Variants in MYO19 observed in about 807,000 individuals in gnomAD.
MYO19 encodes the protein myosin XIX.
In MYO19, 132 loss-of-function variants were observed where a neutral mutation model predicts 129.2. The ratio of observed to expected loss-of-function variants is 1.02; its 90% confidence interval spans 0.89 to 1.18. The LOEUF is 1.18. MYO19 is among the 50% of genes most tolerant of loss of function. MYO19 has a pLI of 0.00. For synonymous variants in MYO19, 531 were observed against 477.2 expected, an observed-to-expected ratio of 1.11 and a Z score of -1.47; for missense variants, 1,210 against 1,216.7, an observed-to-expected ratio of 0.99 and a Z score of 0.08.
At chr17:36,503,007 A>G (rs2071635228) in intron 21 of MYO19, 90 bp downstream of exon 21, 1 of 1,078,754 alleles carries the variant, frequency 9.3e-7, no homozygotes. Context: ...TTCACCAGTA[A>G]GCCCCAGCCC....
At chr17:36,503,310 G>A (rs146231097) in intron 20 of MYO19, 110 bp from the exon 21 acceptor site, 51 of 853,546 alleles carry the variant, frequency 6.0e-5, no homozygotes, top group South Asian at 2.1e-4. Context: ...AACACAGCAC[G>A]GTGCTGCCCT....
intron 16 of MYO19, 83 bp from the exon 17 acceptor site, chr17:36,507,222 T>C: frequency 2.0e-6 from 3 of 1,537,364 alleles, no homozygotes; most frequent in South Asian, 1.2e-5. Context: ...GTGGACCCCA[T>C]GACAGCAGAC....
chr17:36,523,193 A>C (rs1334392253), intron 6 of MYO19, among the ~76,000 whole-genome samples: 2 of 151,670 alleles, frequency 1.3e-5, no homozygotes, highest in Admixed American at 6.6e-5. Flanking sequence ...AAAAAAAAAA[A>C]AAAAAAAACA....
At chr17:36,497,446 A>C (rs372181455) in intron 25 of MYO19, among the ~76,000 whole-genome samples, 3 of 152,158 alleles carry the variant, frequency 2.0e-5, no homozygotes, top group Admixed American at 2.0e-4. Context: ...GTGCCATTTG[A>C]GGTAACAAAC....
chr17:36,507,001 C>G lies in MYO19; in HGVS notation c.1606G>C (p.Val536Leu), dbSNP rs144719799. The change falls in exon 17 of 26, where the codon GTG becomes CTG. Residue 536 changes from valine (V) to leucine (L), a missense_variant. By Grantham distance (32) the Val-to-Leu change is conservative. Transcript: ENST00000614623. ...ACCAGGCCTGCTGTGTGGTACCGCA[C>G]AGGCCCCGCATAATGCACCACAATG... ...SFIVVHYAGP[V>L]RYHTAGLVEK... 8.1e-5 allele frequency: 131 copies of G among 1,611,556 alleles called. 1 individual carries two copies. In the East Asian group the frequency reaches 2.8e-3, roughly 34 times the overall value.
chr17:36,498,441 A>C lies in MYO19; in HGVS notation c.2582T>G (p.Ile861Ser). The C allele has an allele frequency of 6.2e-7, 1 of 1,613,988 alleles. No individual in the cohort carries two copies. The highest frequency in any genetic ancestry group is 1.1e-5 in the South Asian group (1 of 91,088). ...GACCAGTCCCAGGGGCCAGAGGCGG[A>C]TTATTGCCTCCAGGAGCCTGGTCTG... ...PLQTRLLEAI[I>S]RLWPLGLVLA... is the part of the protein sequence containing the mutation. Residue 861 changes from isoleucine to serine, a missense_variant, in exon 25 of 26, where the codon ATC (isoleucine) becomes AGC (serine). Physicochemically the swap from Ile to Ser is moderately radical, Grantham distance 142. Transcript: ENST00000614623.
intron 21 of MYO19, chr17:36,501,979 G>C (rs981964344): frequency 2.0e-5 from 3 of 152,576 alleles, no homozygotes; most frequent in Non-Finnish European, 4.4e-5. Flanking sequence ...CAAGAGACAC[G>C]GAACAGGACA....
rs1319482452 is a variant in MYO19, at chr17:36,515,995, G to A, written c.415-5C>T. 12 of 1,607,246 alleles carry A rather than the reference G, an allele frequency of 7.5e-6. No individual in the cohort carries two copies. The highest frequency in any genetic ancestry group is 1.0e-5 in the Non-Finnish European group (12 of 1,176,716). The stretch of plus-strand genomic sequence containing the variant: ...TAGGCAGCGAGACGTCCATGTCTGT[G>A]GCAGAAACAGCCCTGTGGGAGCTGT... On this transcript the variant is annotated splice_region_variant and splice_polypyrimidine_tract_variant and intron_variant, in intron 6 of 25. Coordinates refer to ENST00000614623, the MANE Select transcript of MYO19 (RefSeq NM_001163735.2).
chr17:36,510,890 A>G lies in MYO19; in HGVS notation c.1013T>C (p.Leu338Pro). 4 of 1,581,346 alleles carry G rather than the reference A, an allele frequency of 2.5e-6. No homozygotes were observed. The highest frequency in any genetic ancestry group is 3.4e-6 in the Non-Finnish European group (4 of 1,163,432). The change falls in exon 13 of 26, where the codon CTG (leucine) becomes CCG (proline). Residue 338 changes from leucine to proline, a missense_variant. Coordinates refer to ENST00000614623, the MANE Select transcript of MYO19 (RefSeq NM_001163735.2). ...CAGCAGCACGTCCTCTGGGAGCCCC[A>G]GCAGCGAGGCTGCCGTCCTGACAGA... ...KYSVRTAASL[L>P]GLPEDVLLEM...
Position 36,496,163 on chromosome 17 carries a change from G to A in MYO19, c.*88C>T. 6.6e-7 allele frequency: 1 copy of A among 1,520,106 alleles called. No homozygotes were observed. Among genetic ancestry groups the A allele is most frequent in the South Asian group, 1.2e-5 (1 of 83,406 alleles). The allele number at this position is 1,520,106 out of a possible 1,614,324, so 94.2% of individuals were successfully genotyped here. On this transcript the variant is annotated 3_prime_UTR_variant, in exon 26 of 26. Coordinates refer to ENST00000614623, the MANE Select transcript of MYO19 (RefSeq NM_001163735.2). ...GTTCATGTGCATTTGGAGCACTGTG[G>A]GAATAGTCTGGCAGCTGTGTGCTGA...
exon 1 of MYO19, chr17:36,543,154 A>G (rs1047532404): frequency 1.3e-5 from 2 of 150,794 alleles, no homozygotes; most frequent in Non-Finnish European, 2.9e-5. Flanking sequence ...TGGCCAGAAG[A>G]CATAAAAAAA....
chr17:36,530,244 C>A (rs1428319143), intron 3 of MYO19, among the ~76,000 whole-genome samples: 1 of 151,974 alleles, frequency 6.6e-6, no homozygotes, highest in Non-Finnish European at 1.5e-5. Flanking sequence ...CCCAGGAGGT[C>A]GAGGCTACAG....
intron 2 of MYO19, chr17:36,533,249 A>C (rs1445049147): frequency 6.6e-6 from 1 of 152,486 alleles, no homozygotes; most frequent in Non-Finnish European, 1.5e-5. Context: ...ACAAAGTACG[A>C]ATCTGAGTAT....
Position 36,514,516 on chromosome 17 carries a change from G to A in MYO19, c.650C>T (p.Thr217Ile), listed in dbSNP as rs1014845416. 5 of 1,613,242 alleles carry A rather than the reference G, an allele frequency of 3.1e-6. No individual in the cohort carries two copies. In the African/African-American group the frequency reaches 6.7e-5, roughly 22 times the overall value. Residue 217 changes from threonine to isoleucine, a missense_variant, in exon 9 of 26, where the codon ACC becomes ATC. Physicochemically the swap from Thr to Ile is moderately conservative, Grantham distance 89 (BLOSUM62 -1). Coordinates refer to ENST00000614623, the MANE Select transcript of MYO19 (RefSeq NM_001163735.2). ...CACTCGAGTTTTCTCTAGGAGGTAGGTCTGGACTGCGGCTCCAGTCATTTG... is the reference window on the plus strand; with the variant it reads ...CACTCGAGTTTTCTCTAGGAGGTAGATCTGGACTGCGGCTCCAGTCATTTG... The part of the protein sequence containing the change: ...AQQMTGAAVQ[T>I]YLLEKTRVAC...
At chr17:36,508,923 G>C (rs775798128) in intron 14 of MYO19, 139 bp downstream of exon 14, 2 of 705,316 alleles carry the variant, frequency 2.8e-6, no homozygotes, top group Non-Finnish European at 5.0e-6. Context: ...GCTCTATGCT[G>C]GCAGGCAGAT....
intron 11 of MYO19, 70 bp from the exon 12 acceptor site, chr17:36,511,525 T>A (rs1215910232): frequency 7.3e-7 from 1 of 1,362,522 alleles, no homozygotes; most frequent in South Asian, 1.2e-5. Flanking sequence ...GAAGGGCCGT[T>A]CTGCTGAGTA....
intron 11 of MYO19, 93 bp from the exon 12 acceptor site, chr17:36,511,548 C>T (rs1567754102): frequency 9.0e-7 from 1 of 1,109,584 alleles, no homozygotes; most frequent in East Asian, 2.6e-5. Context: ...ATCACGACAG[C>T]AGAAGGGCAG....
chr17:36,501,028 C>A (rs746586175), intron 22 of MYO19, 41 bp downstream of exon 22: 1 of 1,602,940 alleles, frequency 6.2e-7, no homozygotes, highest in Non-Finnish European at 8.5e-7. Context: ...GGAGAGCACA[C>A]AGCTTGCCTC....
chr17:36,524,426 G>A (rs1380322166), intron 6 of MYO19, among the ~76,000 whole-genome samples: 3 of 152,200 alleles, frequency 2.0e-5, no homozygotes, highest in East Asian at 1.9e-4. Flanking sequence ...TCCTCATGAA[G>A]GTAAAAGTGT....
Sources: allele counts gnomAD v4.1 joint callset (sites outside exome capture counted in the v4.1 genomes callset), GRCh38; gene constraint gnomAD v4.1.1; transcripts MANE v1.5; gene names NCBI Gene and HGNC (gene_info 2026-07-23, HGNC 2026-07-21).